The following ARHGEF40 variants were observed in gnomAD, a reference collection of about 807,000 sequenced individuals.
ARHGEF40 encodes the protein Rho guanine nucleotide exchange factor 40.
In ARHGEF40, 98 loss-of-function variants were observed where a neutral mutation model predicts 165.9. That is an observed-to-expected ratio of 0.59 (90% CI 0.50 to 0.70). The LOEUF is 0.70. Ranked by LOEUF, ARHGEF40 falls within the 30% of genes least tolerant of loss-of-function variation. The pLI is 0.00. For synonymous variants in ARHGEF40, 792 were observed against 814.3 expected, an observed-to-expected ratio of 0.97 and a Z score of 0.47; for missense variants, 1,815 against 1,968.0, an observed-to-expected ratio of 0.92 and a Z score of 1.47.
In ARHGEF40 at chr14:21,080,129, C is replaced by T. The variant is rs1887757479; in HGVS notation, c.2374-531C>T. On this transcript the variant is annotated intron_variant, in intron 11 of 23. Transcript: ENST00000298694. Reference sequence around the variant, plus strand: ...TTTCTTCAGAGGAAAATATTACCATCCCGTTCTGGTCAAACATCTCAGAAC... The same window carrying T: ...TTTCTTCAGAGGAAAATATTACCATTCCGTTCTGGTCAAACATCTCAGAAC... Among the ~76,000 whole-genome samples the T allele has an allele frequency of 2.0e-5, 3 of 151,742 alleles. No individual in the cohort carries two copies. The South Asian group carries it at 6.3e-4, about 32-fold the overall frequency.
At position 21,082,899 on chromosome 14, in the gene ARHGEF40, G is replaced by A. The variant is rs1958395; in HGVS notation, c.3555G>A (p.Ala1185=). ...HRHKLENGLA[A]LSPLSKGSME... is the part of the protein sequence containing the mutation. Reference sequence around the variant, plus strand: ...ACAAACTGGAGAATGGTCTGGCTGCGCTCAGTCCCTTAAGCAAGGTAACTT... The same window carrying A: ...ACAAACTGGAGAATGGTCTGGCTGCACTCAGTCCCTTAAGCAAGGTAACTT... Residue 1185 remains alanine, a synonymous_variant, in exon 16 of 24, where the codon GCG becomes GCA. Transcript: ENST00000298694. 972,596 of 1,613,204 alleles carry A rather than the reference G, an allele frequency of 0.6. 294,859 individuals carry two copies. The highest frequency in any genetic ancestry group is 0.62 in the Middle Eastern group (3,777 of 6,058).
Position 21,073,874 on chromosome 14 carries a change from C to G in ARHGEF40, c.202-58C>G. 6.5e-7 allele frequency: 1 copy of G among 1,542,778 alleles called. No homozygotes were observed. Among genetic ancestry groups the G allele is most frequent in the Non-Finnish European group, 8.7e-7 (1 of 1,148,444 alleles). On this transcript the variant is annotated intron_variant, in intron 2 of 23. Transcript: ENST00000298694. The surrounding 1 kb of genome is among the most constrained non-coding windows in gnomAD (Gnocchi z 4.6). ...CTAGGGTGGGCCCATTCTAACTGCC[C>G]TCTCCTGCTGGTTTCTTCAGCAGAG...
At position 21,074,145 on chromosome 14, in the gene ARHGEF40, G is replaced by A. The variant is rs772697146; in HGVS notation, c.415G>A (p.Glu139Lys). ...GGTGCAGGAGGTTCCTGTGCCCAAT[G>A]AGGCTTGTGCCTACCTATTCACACC... The part of the protein sequence containing the change: ...GRVQEVPVPN[E>K]ACAYLFTPEW... The change falls in exon 3 of 24, where the codon GAG (glutamate) becomes AAG (lysine). Residue 139 changes from glutamate to lysine, a missense_variant. Transcript: ENST00000298694. The surrounding 1 kb of genome is among the most constrained non-coding windows in gnomAD (Gnocchi z 4.8). 12 of 1,614,062 alleles carry A rather than the reference G, an allele frequency of 7.4e-6. No homozygotes were observed. Among genetic ancestry groups the A allele is most frequent in the South Asian group, 1.1e-5 (1 of 91,094 alleles).
intron 11 of ARHGEF40, 123 bp downstream of exon 11, chr14:21,079,133 C>G: frequency 7.6e-7 from 1 of 1,324,084 alleles, no homozygotes; most frequent in Middle Eastern, 2.7e-4. Context: ...CCCCTCCCTC[C>G]TCCTCACATT....
chr14:21,079,156 T>A, intron 11 of ARHGEF40, 146 bp downstream of exon 11: 1 of 1,187,716 alleles, frequency 8.4e-7, no homozygotes, highest in Non-Finnish European at 1.1e-6. Context: ...TTGGTCAGTG[T>A]GAGATTGAAC....
chr14:21,084,210 G>A (rs567630311), intron 17 of ARHGEF40, among the ~76,000 whole-genome samples, 160 bp downstream of exon 17: 1 of 152,272 alleles, frequency 6.6e-6, no homozygotes, highest in Admixed American at 6.5e-5. Context: ...AACTTCACTG[G>A]ACTTCACTTT....
In ARHGEF40 at chr14:21,070,943, A is replaced by C; in HGVS notation, c.3+544A>C. 1 of 1,323,838 alleles carries C rather than the reference A, an allele frequency of 7.6e-7. No individual in the cohort carries two copies. Among genetic ancestry groups the C allele is most frequent in the Non-Finnish European group, 1.0e-6 (1 of 957,416 alleles). The allele number at this position is 1,323,838 out of a possible 1,614,324, so 82.0% of individuals were successfully genotyped here. A position where few individuals can be genotyped will look rare whatever the true frequency, so the allele number is the denominator to read the frequency against. On this transcript the variant is annotated intron_variant, in intron 1 of 23. Transcript: ENST00000298694. The surrounding 1 kb of genome is among the most constrained non-coding windows in gnomAD (Gnocchi z 4.7). ...TGGGCCGGGTCCCGGGGCATGGCCA[A>C]AGAGGGAAATTCCCGCAGAGAAAAA...
rs757848958 is a variant in ARHGEF40 at position 21,074,544 on chromosome 14, C to G, written c.814C>G (p.Pro272Ala). 1.9e-6 allele frequency: 3 copies of G among 1,551,540 alleles called. No homozygotes were observed. Among genetic ancestry groups the G allele is most frequent in the South Asian group, 2.4e-5 (2 of 83,198 alleles). Reference sequence around the variant, plus strand: ...AGGCCTCTCCAGAGTCCGGACGGTACCCACCCGCAAGGGCGCTGGAGGGAA... The same window carrying G: ...AGGCCTCTCCAGAGTCCGGACGGTAGCCACCCGCAAGGGCGCTGGAGGGAA... ...SPGLSRVRTV[P>A]TRKGAGGKGR... The change falls in exon 3 of 24, where the codon CCC becomes GCC. Residue 272 changes from proline to alanine, a missense_variant. Coordinates refer to ENST00000298694, the MANE Select transcript of ARHGEF40 (RefSeq NM_018071.5). This position sits in a 1 kb window ranked among gnomAD's most constrained non-coding sequence, Gnocchi z 4.8.
In ARHGEF40 at chr14:21,085,782, C is replaced by G; in HGVS notation, c.4054C>G (p.Leu1352Val). Residue 1352 changes from leucine to valine, a missense_variant, in exon 19 of 24, where the codon CTG becomes GTG. Transcript: ENST00000298694. ...GCGGCGTGCACGAGAGGCATACACT[C>G]TGCAGGCAACCTCACCAGAGATCAA... The part of the protein sequence containing the change: ...RRRRAREAYT[L>V]QATSPEIKLK... 1 of 1,614,214 alleles carries G rather than the reference C, an allele frequency of 6.2e-7. No homozygotes were observed. The highest frequency in any genetic ancestry group is 8.5e-7 in the Non-Finnish European group (1 of 1,180,052).
chr14:21,061,559 A>T, the ARHGEF40 span, among the ~76,000 whole-genome samples: 1 of 152,048 alleles, frequency 6.6e-6, no homozygotes, highest in Non-Finnish European at 1.5e-5. Flanking sequence ...TTGGGACCGA[A>T]TCTCTACTGG....
At chr14:21,079,684 CAG>C (rs1491323414) in intron 11 of ARHGEF40, among the ~76,000 whole-genome samples, 2 of 152,192 alleles carry the variant, frequency 1.3e-5, no homozygotes, top group Non-Finnish European at 2.9e-5. Context: ...ACGTGGGCAT[CAG>C]GGGAAAGGTC....
the ARHGEF40 span, among the ~76,000 whole-genome samples, chr14:21,061,918 C>T: frequency 6.6e-6 from 1 of 152,084 alleles, no homozygotes; most frequent in Non-Finnish European, 1.5e-5. Context: ...GAATGTTTTG[C>T]TGGTTAGCTC....
upstream of ARHGEF40, among the ~76,000 whole-genome samples, chr14:21,068,512 T>C (rs2139178003): frequency 6.6e-6 from 1 of 152,164 alleles, no homozygotes. Context: ...TCAGACACTC[T>C]CAACACCGAG....
Position 21,082,013 on chromosome 14 carries a change from G to A in ARHGEF40, c.3145G>A (p.Asp1049Asn), listed in dbSNP as rs1887952703. ...GLEVTSTEVV[D>N]RTCSPREHVL... The stretch of plus-strand genomic sequence containing the variant: ...GGAGGTCACCAGCACTGAGGTGGTA[G>A]ACAGGACGTGCTCACCACGGGAACA... The change falls in exon 14 of 24, where the codon GAC becomes AAC. Residue 1049 changes from aspartate (D) to asparagine (N), a missense_variant. Asp to Asn is a conservative substitution (Grantham distance 23, BLOSUM62 1). Coordinates refer to ENST00000298694, the MANE Select transcript of ARHGEF40 (RefSeq NM_018071.5). 1 of 1,573,210 alleles carries A rather than the reference G, an allele frequency of 6.4e-7. No individual in the cohort carries two copies. Among genetic ancestry groups the A allele is most frequent in the Non-Finnish European group, 8.6e-7 (1 of 1,159,056 alleles).
intron 16 of ARHGEF40, among the ~76,000 whole-genome samples, chr14:21,083,301 G>T (rs1192951523): frequency 2.6e-5 from 4 of 152,090 alleles, no homozygotes; most frequent in Admixed American, 2.0e-4. Context: ...CAGCACTTTG[G>T]GAGGCCGAGG....
chr14:21,082,455 A>G lies in ARHGEF40; in HGVS notation c.3463A>G (p.Ile1155Val), dbSNP rs747072920. 12 of 1,596,104 alleles carry G rather than the reference A, an allele frequency of 7.5e-6. No individual in the cohort carries two copies. Among genetic ancestry groups the G allele is most frequent in the African/African-American group, 2.7e-5 (2 of 74,316 alleles). ...GGGCTGCGCCACCCACCCCCTACGC[A>G]TTGGGGCCTGCTTCCTTCGCCACGT... ...LQGCATHPLR[I>V]GACFLRHGDQ... Residue 1155 changes from isoleucine (I) to valine (V), a missense_variant, in exon 15 of 24, where the codon ATT becomes GTT. Physicochemically the swap from Ile to Val is conservative, Grantham distance 29 (BLOSUM62 3). Transcript: ENST00000298694.
chr14:21,081,564 G>C lies in ARHGEF40; in HGVS notation c.2696G>C (p.Arg899Pro), dbSNP rs770314527. The stretch of plus-strand genomic sequence containing the variant: ...CGGCTGGCAGGAGCTGGGCCGGGTC[G>C]GGAGGCTGTGCTGGCTGCACTGGCC... ...FARLAGAGPGREAVLAALALR... is the reference protein window; with the variant it reads ...FARLAGAGPGPEAVLAALALR... The change falls in exon 14 of 24, where the codon CGG (arginine) becomes CCG (proline). Residue 899 changes from arginine to proline, a missense_variant. Physicochemically the swap from Arg to Pro is moderately radical, Grantham distance 103 (BLOSUM62 -2). Transcript: ENST00000298694. 6.8e-6 allele frequency: 11 copies of C among 1,612,540 alleles called. No homozygotes were observed. Among genetic ancestry groups the C allele is most frequent in the Non-Finnish European group, 9.3e-6 (11 of 1,179,824 alleles).
At chr14:21,069,171 C>T (rs1886472890), upstream of ARHGEF40, among the ~76,000 whole-genome samples, 1 of 152,236 alleles carries the variant, frequency 6.6e-6, no homozygotes, top group Admixed American at 6.5e-5. Flanking sequence ...CAGGGCATCT[C>T]CCCGCCGTGC....
At chr14:21,076,717 G>A (rs751303437) in intron 7 of ARHGEF40, 57 bp from the exon 8 acceptor site, 2 of 1,609,440 alleles carry the variant, frequency 1.2e-6, no homozygotes, top group Non-Finnish European at 1.7e-6. Context: ...GGAGCCCCAG[G>A]CTGGTTTCTG....
Sources: gnomAD v4.1 joint callset for allele counts (sites outside exome capture counted in the v4.1 genomes callset) on GRCh38, gnomAD v4.1.1 for gene constraint, Gnocchi (gnomAD v3.1) non-coding constraint, MANE v1.5 for transcripts, NCBI Gene and HGNC (gene_info 2026-07-23, HGNC 2026-07-21) for gene names.